VTI1A: variants seen among roughly 807,000 people sequenced by gnomAD.
The protein encoded by VTI1A is vesicle transport through interaction with t-SNAREs homolog 1A.
Under a neutral mutation model 34.9 loss-of-function variants are expected in VTI1A, and 22 were observed. That is an observed-to-expected ratio of 0.63 (90% CI 0.45 to 0.90). The LOEUF (loss-of-function observed/expected upper bound fraction) is 0.90, where lower values mean the gene tolerates loss of function less well. Among genes scored for constraint, VTI1A ranks in the 40% least tolerant of loss-of-function variants. The pLI, the probability that VTI1A is intolerant of heterozygous loss-of-function variation, is 0.00. For synonymous variants in VTI1A, 87 were observed against 97.3 expected (o/e 0.89, Z 0.62); for missense variants, 268 against 275.6 (o/e 0.97, Z 0.20).
At chr10:112,611,830 C>T (rs1441630020) in intron 5 of VTI1A, among the ~76,000 whole-genome samples, 3 of 149,100 alleles carry the variant, frequency 2.0e-5, no homozygotes, top group African/African-American at 7.5e-5. Flanking sequence ...CAAGCTCCAT[C>T]TCCTGGGTTC....
At chr10:112,699,382 A>G (rs984742252) in intron 7 of VTI1A, among the ~76,000 whole-genome samples, 5 of 152,202 alleles carry the variant, frequency 3.3e-5, no homozygotes, top group Admixed American at 2.6e-4. Context: ...TGGTTTATAG[A>G]TGGTTGTCTG....
intron 5 of VTI1A, among the ~76,000 whole-genome samples, chr10:112,555,226 G>GT (rs1187290724): frequency 1.3e-5 from 2 of 151,954 alleles, no homozygotes; most frequent in African/African-American, 4.8e-5. Context: ...TCACATCATA[G>GT]TTTTTCAAAT....
chr10:112,597,450 G>A (rs1052724321), intron 5 of VTI1A, among the ~76,000 whole-genome samples: 5 of 152,008 alleles, frequency 3.3e-5, no homozygotes, highest in Admixed American at 6.5e-5. Flanking sequence ...ACTCCCGACC[G>A]CAGGTGATCT....
chr10:112,588,811 T>C (rs1844262300), intron 5 of VTI1A, among the ~76,000 whole-genome samples: 1 of 152,240 alleles, frequency 6.6e-6, no homozygotes, highest in African/African-American at 2.4e-5. Context: ...TTAACTTCCA[T>C]GCACGTCATC....
chr10:112,490,312 G>A (rs958349232), intron 3 of VTI1A, among the ~76,000 whole-genome samples: 1 of 152,168 alleles, frequency 6.6e-6, no homozygotes, highest in African/African-American at 2.4e-5. Flanking sequence ...GCCATCTCCA[G>A]TTTGGCTCAC....
At chr10:112,749,518 T>C (rs974856459) in intron 7 of VTI1A, among the ~76,000 whole-genome samples, 4 of 152,220 alleles carry the variant, frequency 2.6e-5, no homozygotes, top group African/African-American at 9.6e-5. Flanking sequence ...CTCAGAGCTG[T>C]AGCTGGGATC....
chr10:112,657,588 T>C (rs1847278426), intron 5 of VTI1A, among the ~76,000 whole-genome samples: 1 of 152,074 alleles, frequency 6.6e-6, no homozygotes, highest in African/African-American at 2.4e-5. Context: ...CTCACACATA[T>C]ATAATATACA....
chr10:112,618,907 C>T (rs1429565959), intron 5 of VTI1A, among the ~76,000 whole-genome samples: 1 of 151,984 alleles, frequency 6.6e-6, no homozygotes, highest in African/African-American at 2.4e-5. Context: ...AGAGGAAATA[C>T]ATTGAAATTA....
chr10:112,803,066 A>T (rs531862381), intron 7 of VTI1A, among the ~76,000 whole-genome samples: 4 of 151,894 alleles, frequency 2.6e-5, no homozygotes, highest in African/African-American at 9.6e-5. Flanking sequence ...TCTTCATTTT[A>T]TTTTATTTTT....
intron 7 of VTI1A, among the ~76,000 whole-genome samples, chr10:112,814,899 C>G (rs1416940492): frequency 1.3e-5 from 2 of 152,078 alleles, no homozygotes; most frequent in African/African-American, 4.8e-5. Flanking sequence ...TTTACTTTAA[C>G]AGGAAACACT....
intron 3 of VTI1A, among the ~76,000 whole-genome samples, chr10:112,509,527 C>T (rs1849540231): frequency 6.6e-6 from 1 of 152,142 alleles, no homozygotes. Context: ...ATTGAATGCC[C>T]TGTGGTTCAT....
At chr10:112,846,202 C>G in the VTI1A span, among the ~76,000 whole-genome samples, 1 of 152,194 alleles carries the variant, frequency 6.6e-6, no homozygotes, top group African/African-American at 2.4e-5. Flanking sequence ...GCACCAAGGC[C>G]TGAATCCTAT....
At chr10:112,849,093 C>G in the VTI1A span, among the ~76,000 whole-genome samples, 25 of 152,318 alleles carry the variant, frequency 1.6e-4, no homozygotes, top group South Asian at 6.2e-4. Flanking sequence ...TGGCAGGAAG[C>G]AGCCTTAGAA....
chr10:112,710,873 A>T (rs1564894367), intron 7 of VTI1A, among the ~76,000 whole-genome samples: 1 of 152,144 alleles, frequency 6.6e-6, no homozygotes, highest in Non-Finnish European at 1.5e-5. Context: ...TACATTCCAA[A>T]TCAAATTCTG....
At chr10:112,763,816 C>A (rs1023480662) in intron 7 of VTI1A, among the ~76,000 whole-genome samples, 1 of 152,138 alleles carries the variant, frequency 6.6e-6, no homozygotes, top group Non-Finnish European at 1.5e-5. Flanking sequence ...TCTAGCCTCA[C>A]CCTTTTTCTG....
intron 7 of VTI1A, among the ~76,000 whole-genome samples, chr10:112,798,836 G>A (rs1461726239): frequency 1.3e-5 from 2 of 152,142 alleles, no homozygotes; most frequent in African/African-American, 4.8e-5. Flanking sequence ...GAGACCTCTG[G>A]CTTTCCCATT....
Position 112,612,462 on chromosome 10 carries a change from C to T in VTI1A, c.428-55756C>T, listed in dbSNP as rs548531970. Among the ~76,000 whole-genome samples, 8 of 152,210 alleles carry T rather than the reference C, an allele frequency of 5.3e-5. No individual in the cohort carries two copies. In the East Asian group the frequency reaches 5.8e-4, roughly 11 times the overall value. On this transcript the variant is annotated intron_variant, in intron 5 of 7. Coordinates refer to ENST00000393077, the MANE Select transcript of VTI1A (RefSeq NM_145206.4). ...CAGGGTCTTGCTCACTCTGTCACCC[C>T]GGCTGGAGTGCAATAGCACGATCAT...
intron 5 of VTI1A, among the ~76,000 whole-genome samples, chr10:112,612,031 G>T (rs149466128): frequency 6.6e-6 from 1 of 152,000 alleles, no homozygotes; most frequent in Admixed American, 6.6e-5. Flanking sequence ...GTGAACCACC[G>T]TGCCCAGCCT....
At chr10:112,716,835 A>G (rs1849627778) in intron 7 of VTI1A, among the ~76,000 whole-genome samples, 1 of 152,182 alleles carries the variant, frequency 6.6e-6, no homozygotes, top group Non-Finnish European at 1.5e-5. Context: ...AGCATATTGG[A>G]TAAGGGATAC....
Sources: gnomAD v4.1 joint callset for allele counts (sites outside exome capture counted in the v4.1 genomes callset) on GRCh38, gnomAD v4.1.1 for gene constraint, MANE v1.5 for transcripts, NCBI Gene and HGNC (gene_info 2026-07-23, HGNC 2026-07-21) for gene names.